AHCTF1: variants seen among roughly 807,000 people sequenced by gnomAD.
AHCTF1 encodes AT-hook containing transcription factor 1, also known as protein ELYS.
AHCTF1 carries 24 observed loss-of-function variants against 248.4 expected under a neutral mutation model. That is an observed-to-expected ratio of 0.10 (90% CI 0.07 to 0.14). AHCTF1 has a LOEUF of 0.14. Among genes scored for constraint, AHCTF1 ranks in the 10% least tolerant of loss-of-function variants. The pLI is 1.00. For missense variants in AHCTF1, 2,206 were observed against 2,636.2 expected, an observed-to-expected ratio of 0.84 and a Z score of 3.57; for synonymous variants, 786 against 929.8, an observed-to-expected ratio of 0.85 and a Z score of 2.81.
At position 246,853,317 on chromosome 1, in the gene AHCTF1, G is replaced by A. The variant is rs1460385988; in HGVS notation, c.4355-18C>T. The A allele has an allele frequency of 1.3e-6, 2 of 1,587,870 alleles. No homozygotes were observed. The highest frequency in any genetic ancestry group is 1.4e-5 in the African/African-American group (1 of 74,054). ...AGCCATAGCTGAAAGAAAAATGAGTGAATTTTTTACATTTAAACTGAAAAA... is the reference window on the plus strand; with the variant it reads ...AGCCATAGCTGAAAGAAAAATGAGTAAATTTTTTACATTTAAACTGAAAAA... On this transcript the variant is annotated intron_variant, in intron 31 of 35. Coordinates refer to ENST00000648844, the MANE Select transcript of AHCTF1 (RefSeq NM_001323342.2).
Position 246,909,827 on chromosome 1 carries a change from T to C in AHCTF1, c.557-2069A>G, listed in dbSNP as rs147811792. Among the ~76,000 whole-genome samples the C allele has an allele frequency of 1.4e-4, 21 of 152,320 alleles. No homozygotes were observed. In the East Asian group the frequency reaches 3.7e-3, roughly 27 times the overall value. ...CTGCAGAGGGCTATCCTGTACACTG[T>C]AGGACGCTAAGCCACATCATTAGTC... On this transcript the variant is annotated intron_variant, in intron 4 of 35. Transcript: ENST00000648844.
intron 1 of AHCTF1, among the ~76,000 whole-genome samples, chr1:246,926,957 G>A (rs993552593): frequency 4.6e-5 from 7 of 151,232 alleles, no homozygotes; most frequent in South Asian, 2.1e-4. Flanking sequence ...GGCGGATCAC[G>A]AGGTCAGGAG....
Position 246,878,396 on chromosome 1 carries a change from C to CAAAAAAA in AHCTF1, c.2661-1101_2661-1095dup, listed in dbSNP as rs1199465751. On this transcript the variant is annotated intron_variant, in intron 21 of 35. Transcript: ENST00000648844. The stretch of plus-strand genomic sequence containing the variant: ...TGGCAGACAGAGCAAGATTCTGTCT[C>CAAAAAAA]AAAAAAAAAAAAAAAAAAAAAAAAA... 2.3e-3 allele frequency among the ~76,000 whole-genome samples: 72 copies of CAAAAAAA among 30,780 alleles called. 7 individuals are homozygous for CAAAAAAA. The highest frequency in any genetic ancestry group is 6.7e-3 in the African/African-American group (55 of 8,206). The allele number at this position is 30,780 out of a possible 152,430, so 20.2% of individuals were successfully genotyped here. A position where few individuals can be genotyped will look rare whatever the true frequency, so the allele number is the denominator to read the frequency against.
At chr1:246,910,691 C>T (rs1461308069) in intron 4 of AHCTF1, among the ~76,000 whole-genome samples, 1 of 152,134 alleles carries the variant, frequency 6.6e-6, no homozygotes, top group Non-Finnish European at 1.5e-5. Context: ...CAGATTCTCT[C>T]ATTGTTATAA....
At chr1:246,847,006 G>A (rs1660315780) in intron 33 of AHCTF1, among the ~76,000 whole-genome samples, 2 of 152,178 alleles carry the variant, frequency 1.3e-5, no homozygotes, top group Non-Finnish European at 2.9e-5. Context: ...TTAACTGAAG[G>A]CTGGGCACAG....
intron 32 of AHCTF1, chr1:246,852,114 A>G (rs1660752636): frequency 6.6e-6 from 1 of 152,652 alleles, no homozygotes; most frequent in Non-Finnish European, 1.5e-5. Context: ...AAGGTAGAAC[A>G]TTACCACCCA....
chr1:246,878,052 G>T (rs1310666025), intron 21 of AHCTF1, among the ~76,000 whole-genome samples: 2 of 151,574 alleles, frequency 1.3e-5, no homozygotes, highest in African/African-American at 4.8e-5. Context: ...CCAATGCAAA[G>T]AATACAGTCT....
chr1:246,919,703 CA>C (rs11396118), intron 1 of AHCTF1, among the ~76,000 whole-genome samples: 115 of 137,616 alleles, frequency 8.4e-4, no homozygotes, highest in East Asian at 4.5e-3. Context: ...GACTCCATCT[CA>C]AAAAAAAAAA....
chr1:246,861,753 T>C (rs565701351), intron 28 of AHCTF1, among the ~76,000 whole-genome samples: 1 of 152,256 alleles, frequency 6.6e-6, no homozygotes, highest in Non-Finnish European at 1.5e-5. Flanking sequence ...GAGTCCTATT[T>C]ATCTGTAAGA....
intron 27 of AHCTF1, among the ~76,000 whole-genome samples, chr1:246,862,973 G>T (rs1661684136): frequency 6.6e-6 from 1 of 152,094 alleles, no homozygotes; most frequent in Non-Finnish European, 1.5e-5. Flanking sequence ...AATCCCATTA[G>T]ATCATAATAA....
chr1:246,930,603 G>A (rs1317095407), intron 1 of AHCTF1, among the ~76,000 whole-genome samples: 1 of 151,466 alleles, frequency 6.6e-6, no homozygotes, highest in Non-Finnish European at 1.5e-5. Flanking sequence ...AAAAAAGGGG[G>A]GGTCTCGCCA....
chr1:246,853,647 A>G (rs1660884659), intron 31 of AHCTF1, among the ~76,000 whole-genome samples: 1 of 149,962 alleles, frequency 6.7e-6, no homozygotes, highest in Non-Finnish European at 1.5e-5. Context: ...GAGTAATTAC[A>G]GAATTACATG....
chr1:246,896,595 T>C (rs1467045805), intron 12 of AHCTF1, among the ~76,000 whole-genome samples: 1 of 152,152 alleles, frequency 6.6e-6, no homozygotes, highest in Non-Finnish European at 1.5e-5. Context: ...TGACTGTTTA[T>C]GGGCATAGAA....
At chr1:246,884,591 G>A (rs888055833) in intron 21 of AHCTF1, among the ~76,000 whole-genome samples, 6 of 152,140 alleles carry the variant, frequency 3.9e-5, no homozygotes, top group East Asian at 1.9e-4. Context: ...AGCTTAGTTC[G>A]TAAGAAAACC....
At chr1:246,883,572 G>A (rs1663609691) in intron 21 of AHCTF1, among the ~76,000 whole-genome samples, 1 of 152,148 alleles carries the variant, frequency 6.6e-6, no homozygotes, top group South Asian at 2.1e-4. Flanking sequence ...TTTCTCCTAA[G>A]ATGTTTCAAT....
intron 32 of AHCTF1, 98 bp from the exon 33 acceptor site, chr1:246,851,540 TA>T (rs1179012390): frequency 3.8e-6 from 4 of 1,057,390 alleles, no homozygotes; most frequent in Non-Finnish European, 5.3e-6. Flanking sequence ...GTGTGCCTTT[TA>T]AAACATAAAT....
In AHCTF1 at chr1:246,861,191, G is replaced by A; in HGVS notation, c.3840C>T (p.Phe1280=). The change falls in exon 29 of 36, where the codon TTC becomes TTT. Residue 1280 remains phenylalanine, a synonymous_variant. Coordinates refer to ENST00000648844, the MANE Select transcript of AHCTF1 (RefSeq NM_001323342.2). ...LKSKDRTTSF[F]LNSPEKEHQE... is the part of the protein sequence containing the mutation. ...GATGCTCCTTTTCAGGGCTGTTCAGGAAAAAAGATGTGGTCCTATCTTTGC... is the reference window on the plus strand; with the variant it reads ...GATGCTCCTTTTCAGGGCTGTTCAGAAAAAAAGATGTGGTCCTATCTTTGC... 1.2e-6 allele frequency: 2 copies of A among 1,613,550 alleles called. No homozygotes were observed. The highest frequency in any genetic ancestry group is 1.7e-6 in the Non-Finnish European group (2 of 1,179,970).
chr1:246,848,970 G>C (rs1660493106), intron 33 of AHCTF1, among the ~76,000 whole-genome samples: 2 of 152,114 alleles, frequency 1.3e-5, no homozygotes, highest in African/African-American at 4.8e-5. Flanking sequence ...CATGTTTAAA[G>C]CACCCCCTAT....
chr1:246,890,931 C>T (rs1043381834), intron 16 of AHCTF1, 25 bp downstream of exon 16: 13 of 1,382,394 alleles, frequency 9.4e-6, no homozygotes, highest in African/African-American at 6.0e-5. Flanking sequence ...TTAATTAATA[C>T]TTATAGATTA....
Sources: allele counts gnomAD v4.1 joint callset (sites outside exome capture counted in the v4.1 genomes callset), GRCh38; gene constraint gnomAD v4.1.1; transcripts MANE v1.5; gene names NCBI Gene and HGNC (gene_info 2026-07-23, HGNC 2026-07-21).